Variants in DNAH17 observed in about 807,000 individuals in gnomAD.
The protein encoded by DNAH17 is axonemal beta dynein heavy chain 17.
DNAH17 carries 376 observed loss-of-function variants against 485.6 expected under a neutral mutation model. The observed-to-expected ratio is 0.77, with a 90% CI of 0.71 to 0.84. The LOEUF (loss-of-function observed/expected upper bound fraction) is 0.84. Ranked by LOEUF, DNAH17 falls within the 40% of genes least tolerant of loss-of-function variation. DNAH17 has a pLI of 0.00. For missense variants in DNAH17, 6,370 were observed against 5,839.3 expected, an observed-to-expected ratio of 1.09 and a Z score of -2.96; for synonymous variants, 3,031 against 2,405.9, an observed-to-expected ratio of 1.26 and a Z score of -7.60.
At chr17:78,491,034 G>A (rs1372934061) in intron 43 of DNAH17, among the ~76,000 whole-genome samples, 187 bp from the exon 44 acceptor site, 1 of 152,192 alleles carries the variant, frequency 6.6e-6, no homozygotes. Flanking sequence ...GAATCCAGCA[G>A]CCTCTAGACG....
At chr17:78,503,050 T>C in intron 31 of DNAH17, 39 bp from the exon 32 acceptor site, 2 of 1,583,410 alleles carry the variant, frequency 1.3e-6, no homozygotes, top group Non-Finnish European at 1.7e-6. Flanking sequence ...CAGCCATGTG[T>C]GCCTGCCTCT....
At chr17:78,431,701 CTGTGGAGGG>C (rs2086681984) in intron 75 of DNAH17, among the ~76,000 whole-genome samples, 1 of 151,914 alleles carries the variant, frequency 6.6e-6, no homozygotes, top group South Asian at 2.1e-4. Context: ...GGTGGGGAGT[CTGTGGAGGG>C]GGAGGGAGGC....
In DNAH17 at chr17:78,449,752, A is replaced by G. The variant is rs1009185221; in HGVS notation, c.11041-168T>C. ...GAGTGCAGTGGCGTGATCTTGGCTC[A>G]CTGCACCCTCTGCAGTGAGGGAGGT... On this transcript the variant is annotated intron_variant, in intron 68 of 80. Coordinates refer to ENST00000389840, the MANE Select transcript of DNAH17 (RefSeq NM_173628.4). 16 of 642,536 alleles carry G rather than the reference A, an allele frequency of 2.5e-5. No homozygotes were observed. In the African/African-American group the frequency reaches 2.9e-4, roughly 12 times the overall value. 39.8% of individuals were successfully genotyped at this position (642,536 alleles called of 1,614,324 possible).
At chr17:78,515,503 C>A (rs1329010284) in intron 25 of DNAH17, among the ~76,000 whole-genome samples, 2 of 143,128 alleles carry the variant, frequency 1.4e-5, no homozygotes, top group Non-Finnish European at 3.0e-5. Flanking sequence ...AGTGAGACTC[C>A]ATCTCAAAAA....
rs962656553 is a variant in DNAH17, at chr17:78,476,475, G to C, written c.8154+97C>G. ...CGGATCTTCCCACCCCCAACAAAGG[G>C]CCCTTCTGAGAGGGCTGCAGTTCTC... On this transcript the variant is annotated intron_variant, in intron 52 of 80. Transcript: ENST00000389840. 10 of 1,370,092 alleles carry C rather than the reference G, an allele frequency of 7.3e-6. No individual in the cohort carries two copies. The East Asian group carries it at 2.3e-4, about 31-fold the overall frequency. 84.9% of individuals were successfully genotyped at this position (1,370,092 alleles called of 1,614,324 possible). A position where few individuals can be genotyped will look rare whatever the true frequency, so the allele number is the denominator to read the frequency against.
Position 78,462,877 on chromosome 17 carries a change from G to T in DNAH17, c.9141C>A (p.Asn3047Lys), listed in dbSNP as rs573786784. The T allele has an allele frequency of 1.9e-6, 3 of 1,613,946 alleles. No individual in the cohort carries two copies. The highest frequency in any genetic ancestry group is 2.2e-5 in the East Asian group (1 of 44,880). Residue 3047 changes from asparagine to lysine, a missense_variant, in exon 57 of 81, where the codon AAC (asparagine) becomes AAA (lysine). Physicochemically the swap from Asn to Lys is moderately conservative, Grantham distance 94. Transcript: ENST00000389840. ...CCGTGCTCTGCAGCTTCATCAGGCC[G>T]TTCTCCAGCCTCTCGATTTTGGCAA... The part of the protein sequence containing the change: ...ELVAKIERLE[N>K]GLMKLQSTAS...
At chr17:78,538,071 C>T (rs760269080) in intron 18 of DNAH17, among the ~76,000 whole-genome samples, 4 of 139,520 alleles carry the variant, frequency 2.9e-5, no homozygotes, top group South Asian at 2.3e-4. Context: ...ACCCAAGAGG[C>T]GGAGGTTGCA....
chr17:78,537,228 T>G (rs1598666789), intron 19 of DNAH17, 71 bp downstream of exon 19: 2 of 1,444,766 alleles, frequency 1.4e-6, no homozygotes, highest in Non-Finnish European at 1.9e-6. Flanking sequence ...CCTTGCCGAG[T>G]TAGGGCGGCA....
At position 78,451,675 on chromosome 17, in the gene DNAH17, T is replaced by C. The variant is rs758424881; in HGVS notation, c.10530-2A>G. The C allele has an allele frequency of 4.5e-6, 7 of 1,553,810 alleles. No individual in the cohort carries two copies. Among genetic ancestry groups the C allele is most frequent in the Non-Finnish European group, 6.1e-6 (7 of 1,149,212 alleles). On this transcript the variant is annotated splice_acceptor_variant, in intron 65 of 80. Transcript: ENST00000389840. LOFTEE classifies it high-confidence loss of function. ...TCCTTGTCACCGATCTTAATGTACC[T>C]GGCGGTTGGTGGAGGAAAGGGTTAG...
intron 44 of DNAH17, among the ~76,000 whole-genome samples, chr17:78,487,354 G>T (rs1478426855): frequency 3.3e-5 from 5 of 152,206 alleles, no homozygotes; most frequent in East Asian, 1.9e-4. Flanking sequence ...CTGGTCCAGG[G>T]TAAGTGTTGC....
At chr17:78,539,337 G>A (rs1048515075) in intron 18 of DNAH17, among the ~76,000 whole-genome samples, 30 of 152,290 alleles carry the variant, frequency 2.0e-4, no homozygotes, top group African/African-American at 7.0e-4. Context: ...TTGCTGACTG[G>A]TTTACCTTCT....
intron 14 of DNAH17, among the ~76,000 whole-genome samples, chr17:78,554,795 G>GGA (rs2091984895): frequency 6.6e-6 from 1 of 152,182 alleles, no homozygotes; most frequent in Non-Finnish European, 1.5e-5. Context: ...CACCCAGGCT[G>GGA]GAGTGCAGTG....
At chr17:78,570,856 C>CAAAA (rs60897530) in intron 6 of DNAH17, 92 bp downstream of exon 6, 5,247 of 289,734 alleles carry the variant, frequency 0.018, 67 homozygotes, top group Admixed American at 0.022. Flanking sequence ...GACTCCCTCT[C>CAAAA]AAAAAAAAAA....
intron 26 of DNAH17, 48 bp from the exon 27 acceptor site, chr17:78,510,554 C>T (rs745773122): frequency 6.9e-6 from 11 of 1,604,690 alleles, no homozygotes; most frequent in Non-Finnish European, 9.4e-6. Flanking sequence ...CATGTGCACT[C>T]TGCAGTGGGC....
At position 78,426,953 on chromosome 17, in the gene DNAH17, C is replaced by T. The variant is rs181371014; in HGVS notation, c.12744G>A (p.Ser4248=). 93 of 1,608,782 alleles carry T rather than the reference C, an allele frequency of 5.8e-5. 1 individual carries two copies. The Middle Eastern group carries it at 8.3e-4, about 14-fold the overall frequency. Residue 4248 remains serine, a synonymous_variant, in exon 78 of 81, where the codon TCG becomes TCA. Transcript: ENST00000389840. The stretch of plus-strand genomic sequence containing the variant: ...TCAGCCCCAGGTTCAGCTCCTTGAG[C>T]GAACGGCGCATTTCGTTGGTCAGGA... ...MNILTNEMRR[S]LKELNLGLKG...
At chr17:78,534,386 G>T (rs1644133431) in intron 19 of DNAH17, among the ~76,000 whole-genome samples, 1 of 150,900 alleles carries the variant, frequency 6.6e-6, no homozygotes, top group South Asian at 2.1e-4. Context: ...TTGGCCCTAG[G>T]GCTGGGCCGG....
chr17:78,474,797 C>T (rs1055088928), intron 54 of DNAH17, among the ~76,000 whole-genome samples: 3 of 151,812 alleles, frequency 2.0e-5, no homozygotes, highest in Admixed American at 1.3e-4. Context: ...CACTCTTCAC[C>T]TCAGTCACCC....
In DNAH17 at chr17:78,501,881, G is replaced by T. The variant is rs1375424690; in HGVS notation, c.5191-8C>A. 1.9e-6 allele frequency: 3 copies of T among 1,613,812 alleles called. No individual in the cohort carries two copies. In the African/African-American group the frequency reaches 4.0e-5, roughly 22 times the overall value. On this transcript the variant is annotated splice_region_variant and splice_polypyrimidine_tract_variant and intron_variant, in intron 33 of 80. Transcript: ENST00000389840. The stretch of plus-strand genomic sequence containing the variant: ...TACGTTCAGCTGGCTAATCTGCGGG[G>T]GAGAGTGCCTTCGATGAGACACCAC...
intron 22 of DNAH17, among the ~76,000 whole-genome samples, chr17:78,527,898 C>T (rs1183306842): frequency 1.3e-5 from 2 of 152,124 alleles, no homozygotes; most frequent in Non-Finnish European, 2.9e-5. Flanking sequence ...CATGCCTCAA[C>T]CTCCCGAGCA....
Sources: gnomAD v4.1 joint callset for allele counts (sites outside exome capture counted in the v4.1 genomes callset) on GRCh38, gnomAD v4.1.1 for gene constraint, MANE v1.5 for transcripts, NCBI Gene and HGNC (gene_info 2026-07-23, HGNC 2026-07-21) for gene names.